The following OOSP4B variants were observed in gnomAD, a reference collection of about 807,000 sequenced individuals.
OOSP4B encodes the protein oocyte secreted protein family member 4B, also known as oocyte-secreted protein 4B.
chr11:60,020,551 C>A (rs1200736928), intron 1 of OOSP4B, among the ~76,000 whole-genome samples: 1 of 152,242 alleles, frequency 6.6e-6, no homozygotes, highest in East Asian at 1.9e-4. Flanking sequence ...AGAACTTGCG[C>A]TGGCCTGCAA....
At chr11:60,022,500 C>T (rs1464861472) in intron 1 of OOSP4B, among the ~76,000 whole-genome samples, 1 of 152,180 alleles carries the variant, frequency 6.6e-6, no homozygotes, top group Non-Finnish European at 1.5e-5. Flanking sequence ...CGTCTCTGTT[C>T]TTCTAGCTGT....
At chr11:60,030,772 T>C (rs1854799165) in intron 4 of OOSP4B, 30 bp from the exon 5 acceptor site, 1 of 398,052 alleles carries the variant, frequency 2.5e-6, no homozygotes, top group Non-Finnish European at 4.4e-6. Context: ...TTTAAGCAGC[T>C]CTTAACTGCT....
At chr11:60,017,387 G>C in exon 1 of OOSP4B, 1 of 398,616 alleles carries the variant, frequency 2.5e-6, no homozygotes. Flanking sequence ...TTGGAGTCTG[G>C]AGCAATGAAG....
In OOSP4B at chr11:60,017,415, T is replaced by G; in HGVS notation, c.22+2T>G. 1 of 398,652 alleles carries G rather than the reference T, an allele frequency of 2.5e-6. No individual in the cohort carries two copies. Among genetic ancestry groups the G allele is most frequent in the Non-Finnish European group, 4.4e-6 (1 of 226,084 alleles). 24.7% of individuals were successfully genotyped at this position (398,652 alleles called of 1,614,324 possible). A position where few individuals can be genotyped will look rare whatever the true frequency, so the allele number is the denominator to read the frequency against. On this transcript the variant is annotated splice_donor_variant, in intron 1 of 4. Transcript: ENST00000642343. LOFTEE classifies it high-confidence loss of function. ...CAATGAAGACCTCTGTGCTCTTAGG[T>G]AGGTCCTTCCTCTTTTCTTTATTGT... is the stretch of plus-strand genomic sequence containing the variant.
intron 1 of OOSP4B, among the ~76,000 whole-genome samples, chr11:60,020,742 G>C (rs900790112): frequency 6.6e-6 from 1 of 152,224 alleles, no homozygotes; most frequent in African/African-American, 2.4e-5. Flanking sequence ...GAGAGCGAGC[G>C]AGGGCTGTGA....
intron 1 of OOSP4B, among the ~76,000 whole-genome samples, chr11:60,017,816 T>TG (rs1360242350): frequency 1.3e-5 from 2 of 152,188 alleles, no homozygotes; most frequent in East Asian, 3.9e-4. Flanking sequence ...TCTGGGTTTC[T>TG]GGGGAGGATT....
intron 1 of OOSP4B, among the ~76,000 whole-genome samples, chr11:60,023,037 G>T (rs976953809): frequency 1.3e-5 from 2 of 152,162 alleles, no homozygotes; most frequent in Non-Finnish European, 2.9e-5. Flanking sequence ...CATTAATTGA[G>T]CATTTAAGTT....
At chr11:60,024,538 C>G (rs1466072049) in intron 2 of OOSP4B, among the ~76,000 whole-genome samples, 1 of 152,172 alleles carries the variant, frequency 6.6e-6, no homozygotes, top group Non-Finnish European at 1.5e-5. Flanking sequence ...AACTCTGTCT[C>G]AAAGTCATAA....
chr11:60,020,961 T>C (rs569702321), intron 1 of OOSP4B, among the ~76,000 whole-genome samples: 1 of 152,358 alleles, frequency 6.6e-6, no homozygotes, highest in East Asian at 1.9e-4. Context: ...CTATTTTTTA[T>C]GGCATTTTTG....
chr11:60,026,496 A>T (rs1208592555), intron 3 of OOSP4B, among the ~76,000 whole-genome samples: 1 of 152,168 alleles, frequency 6.6e-6, no homozygotes, highest in Non-Finnish European at 1.5e-5. Flanking sequence ...TTTGATCTTT[A>T]TCTTGACTAC....
chr11:60,020,211 C>T (rs1227149305), intron 1 of OOSP4B, among the ~76,000 whole-genome samples: 1 of 152,254 alleles, frequency 6.6e-6, no homozygotes, highest in Non-Finnish European at 1.5e-5. Flanking sequence ...GGATCCCATA[C>T]CGGGGCTGCA....
Position 60,017,225 on chromosome 11 carries a change from C to T in OOSP4B, c.-167C>T, listed in dbSNP as rs1414208588. The T allele has an allele frequency of 5.1e-6, 2 of 395,920 alleles. No homozygotes were observed. Among genetic ancestry groups the T allele is most frequent in the Non-Finnish European group, 4.4e-6 (1 of 225,028 alleles). 24.5% of individuals were successfully genotyped at this position (395,920 alleles called of 1,614,324 possible). A position where few individuals can be genotyped will look rare whatever the true frequency, so the allele number is the denominator to read the frequency against. On this transcript the variant is annotated 5_prime_UTR_variant, in exon 1 of 5. It introduces an in-frame stop codon into an upstream open reading frame of the 5' UTR. Transcript: ENST00000642343. ...ACAGGTGAAGTGTTGCAGCTACTGC[C>T]AGCTGATGGGCCATGTTTTGAGAAG...
intron 1 of OOSP4B, among the ~76,000 whole-genome samples, chr11:60,020,639 C>A (rs1331844145): frequency 1.3e-5 from 2 of 152,242 alleles, no homozygotes; most frequent in African/African-American, 2.4e-5. Context: ...TGGCTCTGGC[C>A]TTGGCCAGCC....
intron 1 of OOSP4B, 38 bp from the exon 2 acceptor site, chr11:60,023,842 A>G (rs1401256814): frequency 5.0e-6 from 2 of 398,404 alleles, no homozygotes; most frequent in Non-Finnish European, 8.8e-6. Context: ...GGGAGGAAGT[A>G]TACTACCATA....
chr11:60,017,690 G>A (rs1159005283), intron 1 of OOSP4B, among the ~76,000 whole-genome samples: 2 of 152,088 alleles, frequency 1.3e-5, no homozygotes, highest in African/African-American at 4.8e-5. Context: ...AAGTTCTCCA[G>A]TTTTAGTTTA....
At position 60,018,091 on chromosome 11, in the gene OOSP4B, A is replaced by G. The variant is rs539585724; in HGVS notation, c.22+678A>G. Reference sequence around the variant, plus strand: ...TGATGAGAGGCCCCGTGAAATGAAAACACTCAAATCTTAGTGCTGGAATTA... The same window carrying G: ...TGATGAGAGGCCCCGTGAAATGAAAGCACTCAAATCTTAGTGCTGGAATTA... On this transcript the variant is annotated intron_variant, in intron 1 of 4. Coordinates refer to ENST00000642343, the Ensembl canonical transcript of OOSP4B. Among the ~76,000 whole-genome samples the G allele has an allele frequency of 4.1e-4, 63 of 152,278 alleles. 1 individual carries two copies. Among genetic ancestry groups the G allele is most frequent in the African/African-American group, 1.4e-3 (60 of 41,558 alleles).
chr11:60,026,401 C>T (rs527912448), intron 3 of OOSP4B, among the ~76,000 whole-genome samples: 24 of 152,268 alleles, frequency 1.6e-4, no homozygotes, highest in African/African-American at 5.3e-4. Flanking sequence ...TTCTTTCATC[C>T]TTGAATTGCT....
chr11:60,023,275 T>C (rs1854712673), intron 1 of OOSP4B, among the ~76,000 whole-genome samples: 1 of 152,208 alleles, frequency 6.6e-6, no homozygotes, highest in African/African-American at 2.4e-5. Context: ...TGTGGCCAAT[T>C]TGAATTGTGC....
At chr11:60,018,625 G>A (rs917343566) in intron 1 of OOSP4B, among the ~76,000 whole-genome samples, 4 of 152,124 alleles carry the variant, frequency 2.6e-5, no homozygotes, top group Admixed American at 6.5e-5. Context: ...GCTAATGACC[G>A]CCTCTTTGTA....
Sources: gnomAD v4.1 joint callset for allele counts (sites outside exome capture counted in the v4.1 genomes callset) on GRCh38, gnomAD v4.1.1 for gene constraint, MANE v1.5 for transcripts, NCBI Gene and HGNC (gene_info 2026-07-23, HGNC 2026-07-21) for gene names.